Variants in PXDC1 observed in about 807,000 individuals in gnomAD.
PXDC1 encodes PX domain-containing protein 1.
A neutral mutation model predicts 24.4 loss-of-function variants in PXDC1; 13 were observed. That is an observed-to-expected ratio of 0.53 (90% CI 0.35 to 0.85). PXDC1 has a LOEUF of 0.85. Ranked by LOEUF, PXDC1 falls within the 40% of genes least tolerant of loss-of-function variation. The pLI, the probability that PXDC1 is intolerant of heterozygous loss-of-function variation, is 0.01. For missense variants in PXDC1, 344 were observed against 309.3 expected, an observed-to-expected ratio of 1.11 and a Z score of -0.84; for synonymous variants, 162 against 124.9, an observed-to-expected ratio of 1.30 and a Z score of -1.98.
chr6:3,737,984 G>A lies in PXDC1; in HGVS notation c.348+73C>T, dbSNP rs891553127. ...AAGCAAGTCAACCCTCCGGGGGGAT[G>A]GACGCCTTTCGCATTTGGGAGGTGC... On this transcript the variant is annotated intron_variant, in intron 2 of 4. Coordinates refer to ENST00000380283, the MANE Select transcript of PXDC1 (RefSeq NM_183373.4). This position sits in a 1 kb window ranked among gnomAD's most constrained non-coding sequence, Gnocchi z 5.5. 2.4e-5 allele frequency: 30 copies of A among 1,234,852 alleles called. No individual in the cohort carries two copies. Among genetic ancestry groups the A allele is most frequent in the Non-Finnish European group, 3.6e-5 (30 of 844,020 alleles). The allele number at this position is 1,234,852 out of a possible 1,614,324, so 76.5% of individuals were successfully genotyped here.
In PXDC1 at chr6:3,727,552, A is replaced by C; in HGVS notation, c.577T>G (p.Leu193Val). The change falls in exon 4 of 5, where the codon TTA (leucine) becomes GTA (valine). Residue 193 changes from leucine (L) to valine (V), a missense_variant and splice_region_variant. Transcript: ENST00000380283. ...CGATATTCAAATCAGCATACTTACA[A>C]ATGCTCTGTTGGGTCCACGCCCAGC... The part of the protein sequence containing the change: ...QQLGVDPTEH[L>V]FENGSEFPSE... 6.3e-7 allele frequency: 1 copy of C among 1,586,636 alleles called. No homozygotes were observed. The highest frequency in any genetic ancestry group is 2.2e-5 in the East Asian group (1 of 44,752).
chr6:3,745,425 G>A lies in PXDC1; in HGVS notation c.256+5851C>T, dbSNP rs574443156. Among the ~76,000 whole-genome samples the A allele has an allele frequency of 7.2e-5, 11 of 152,350 alleles. No individual in the cohort carries two copies. In the South Asian group the frequency reaches 1.0e-3, roughly 14 times the overall value. ...TACCACTGCTTTCGGTACTCACAACGGCCCTGCGTGCGGATATTATTACTG... is the reference window on the plus strand; with the variant it reads ...TACCACTGCTTTCGGTACTCACAACAGCCCTGCGTGCGGATATTATTACTG... On this transcript the variant is annotated intron_variant, in intron 1 of 4. Transcript: ENST00000380283.
chr6:3,732,650 T>G (rs1182463939), intron 3 of PXDC1, among the ~76,000 whole-genome samples: 1 of 152,248 alleles, frequency 6.6e-6, no homozygotes, highest in East Asian at 1.9e-4. Flanking sequence ...TGCCAAGGGA[T>G]GCAGTCCATC....
rs529187835 is a variant in PXDC1, at chr6:3,732,607, A to G, written c.466+4472T>C. 3.3e-5 allele frequency among the ~76,000 whole-genome samples: 5 copies of G among 152,350 alleles called. No individual in the cohort carries two copies. The South Asian group carries it at 1.0e-3, about 32-fold the overall frequency. Reference sequence around the variant, plus strand: ...CTTACATTTGATAAGCATTGGGACAAAGAATGATTAAGGCTGTACTGGTTG... The same window carrying G: ...CTTACATTTGATAAGCATTGGGACAGAGAATGATTAAGGCTGTACTGGTTG... On this transcript the variant is annotated intron_variant, in intron 3 of 4. Transcript: ENST00000380283.
At chr6:3,727,703 G>A (rs1206516665) in intron 3 of PXDC1, 41 bp from the exon 4 acceptor site, 17 of 1,364,058 alleles carry the variant, frequency 1.2e-5, no homozygotes, top group South Asian at 1.1e-4. Flanking sequence ...AGGAGGGGTC[G>A]GAGCTTGAGG....
At position 3,725,173 on chromosome 6, in the gene PXDC1, C is replaced by G. The variant is rs1219236880; in HGVS notation, c.579-1437G>C. Among the ~76,000 whole-genome samples, 3 of 152,168 alleles carry G rather than the reference C, an allele frequency of 2.0e-5. No homozygotes were observed. Among genetic ancestry groups the G allele is most frequent in the Middle Eastern group, 3.2e-3 (1 of 316 alleles). ...GGAACCTTGGGCGTGCCGAAAGGTT[C>G]AAGCCAGTCGAGGGACAGAGCCACA... On this transcript the variant is annotated intron_variant, in intron 4 of 4. Coordinates refer to ENST00000380283, the MANE Select transcript of PXDC1 (RefSeq NM_183373.4). This position sits in a 1 kb window ranked among gnomAD's most constrained non-coding sequence, Gnocchi z 4.8.
At chr6:3,730,505 G>A (rs930210091) in intron 3 of PXDC1, among the ~76,000 whole-genome samples, 8 of 151,174 alleles carry the variant, frequency 5.3e-5, no homozygotes, top group South Asian at 2.1e-4. Flanking sequence ...ATTAGAACAC[G>A]TCCACAGTTT....
chr6:3,750,431 C>T (rs967749640), intron 1 of PXDC1, among the ~76,000 whole-genome samples: 1 of 152,108 alleles, frequency 6.6e-6, no homozygotes, highest in Non-Finnish European at 1.5e-5. Flanking sequence ...TCCCGGCCCT[C>T]CCAGGCGGCC....
chr6:3,744,094 C>T (rs893007824), intron 1 of PXDC1, among the ~76,000 whole-genome samples: 19 of 152,328 alleles, frequency 1.2e-4, no homozygotes, highest in African/African-American at 4.3e-4. Flanking sequence ...CTGCTCTTCC[C>T]GTAATCCTGC....
chr6:3,737,996 C>T lies in PXDC1; in HGVS notation c.348+61G>A. 3 of 1,381,442 alleles carry T rather than the reference C, an allele frequency of 2.2e-6. No individual in the cohort carries two copies. In the Admixed American group the frequency reaches 5.2e-5, roughly 24 times the overall value. The allele number at this position is 1,381,442 out of a possible 1,614,324, so 85.6% of individuals were successfully genotyped here. A position where few individuals can be genotyped will look rare whatever the true frequency, so the allele number is the denominator to read the frequency against. ...CCTCCGGGGGGATGGACGCCTTTCG[C>T]ATTTGGGAGGTGCCAGCACCTCCCA... On this transcript the variant is annotated intron_variant, in intron 2 of 4. Coordinates refer to ENST00000380283, the MANE Select transcript of PXDC1 (RefSeq NM_183373.4). The surrounding 1 kb of genome is among the most constrained non-coding windows in gnomAD (Gnocchi z 5.5).
intron 1 of PXDC1, among the ~76,000 whole-genome samples, chr6:3,745,400 T>C (rs1008008780): frequency 1.3e-5 from 2 of 152,254 alleles, no homozygotes; most frequent in African/African-American, 4.8e-5. Flanking sequence ...ACTCTACGGA[T>C]ACCACTGCTT....
At chr6:3,744,951 C>G (rs1222108152) in intron 1 of PXDC1, among the ~76,000 whole-genome samples, 1 of 152,226 alleles carries the variant, frequency 6.6e-6, no homozygotes, top group Non-Finnish European at 1.5e-5. Context: ...CCACCTGCCT[C>G]GGCCTCCCAA....
chr6:3,743,788 A>G (rs1760502690), intron 1 of PXDC1, among the ~76,000 whole-genome samples: 1 of 152,212 alleles, frequency 6.6e-6, no homozygotes, highest in African/African-American at 2.4e-5. Context: ...CTGTGTGGAC[A>G]CCAGGACAGA....
chr6:3,731,650 G>A (rs559654205), intron 3 of PXDC1, among the ~76,000 whole-genome samples: 12 of 152,284 alleles, frequency 7.9e-5, no homozygotes, highest in African/African-American at 2.6e-4. Context: ...TTCCGTGGGG[G>A]CCCCAATCCA....
Position 3,737,932 on chromosome 6 carries a change from G to A in PXDC1, c.348+125C>T. ...CTATCGCCTGGTACTACCAGGGAGG[G>A]AACAAAACGGCTAAGTGAGACAGAG... On this transcript the variant is annotated intron_variant, in intron 2 of 4. Transcript: ENST00000380283. This position sits in a 1 kb window ranked among gnomAD's most constrained non-coding sequence, Gnocchi z 5.5. 1 of 827,776 alleles carries A rather than the reference G, an allele frequency of 1.2e-6. No homozygotes were observed. The highest frequency in any genetic ancestry group is 2.0e-6 in the Non-Finnish European group (1 of 509,474). 51.3% of individuals were successfully genotyped at this position (827,776 alleles called of 1,614,324 possible).
intron 3 of PXDC1, among the ~76,000 whole-genome samples, chr6:3,732,716 G>A (rs371900095): frequency 3.3e-5 from 5 of 152,176 alleles, no homozygotes; most frequent in Admixed American, 1.3e-4. Flanking sequence ...GCCTGCTAGC[G>A]CCGGGCGCCA....
chr6:3,751,115 C>T, intron 1 of PXDC1, 161 bp downstream of exon 1: 1 of 577,348 alleles, frequency 1.7e-6, no homozygotes, highest in South Asian at 2.8e-5. Flanking sequence ...AACCCCGCCG[C>T]CCGGGCACCC....
In PXDC1 at chr6:3,723,450, C is replaced by A; in HGVS notation, c.*169G>T. On this transcript the variant is annotated 3_prime_UTR_variant, in exon 5 of 5. Coordinates refer to ENST00000380283, the MANE Select transcript of PXDC1 (RefSeq NM_183373.4). ...TGCGGTCAGCCTGGCCCACTAGGAG[C>A]CCCTGCTGCTCCACTTGCAGGACAC... 1 of 653,830 alleles carries A rather than the reference C, an allele frequency of 1.5e-6. No individual in the cohort carries two copies. The highest frequency in any genetic ancestry group is 1.8e-5 in the South Asian group (1 of 54,326). The allele number at this position is 653,830 out of a possible 1,614,324, so 40.5% of individuals were successfully genotyped here.
At chr6:3,723,864 G>A (rs1188593656) in intron 4 of PXDC1, 128 bp from the exon 5 acceptor site, 1 of 697,702 alleles carries the variant, frequency 1.4e-6, no homozygotes, top group Non-Finnish European at 2.5e-6. Flanking sequence ...GGCTACAAAT[G>A]AACTGGTGAG....
Sources: gnomAD v4.1 joint callset for allele counts (sites outside exome capture counted in the v4.1 genomes callset) on GRCh38, gnomAD v4.1.1 for gene constraint, Gnocchi (gnomAD v3.1) non-coding constraint, MANE v1.5 for transcripts, NCBI Gene and HGNC (gene_info 2026-07-23, HGNC 2026-07-21) for gene names.